Variants in CACNA1H observed in about 807,000 individuals in gnomAD.
The protein encoded by CACNA1H is voltage-dependent T-type calcium channel subunit alpha-1H.
A neutral mutation model predicts 192.5 loss-of-function variants in CACNA1H; 149 were observed. The ratio of observed to expected loss-of-function variants is 0.77; its 90% confidence interval spans 0.68 to 0.89. The LOEUF (loss-of-function observed/expected upper bound fraction) is 0.89, where lower values mean the gene tolerates loss of function less well. CACNA1H is among the 40% of genes least tolerant of loss of function. The probability of loss-of-function intolerance (pLI) is 0.00; values close to 1 mark genes in which losing one functional copy is unlikely to be tolerated. For missense variants in CACNA1H, 4,257 were observed against 3,423.5 expected, an observed-to-expected ratio of 1.24 and a Z score of -6.08; for synonymous variants, 2,202 against 1,475.2, an observed-to-expected ratio of 1.49 and a Z score of -11.29.
In CACNA1H at chr16:1,211,327, C is replaced by T. The variant is rs201510229; in HGVS notation, c.4350+33C>T. 82 of 1,611,936 alleles carry T rather than the reference C, an allele frequency of 5.1e-5. No homozygotes were observed. In the East Asian group the frequency reaches 1.8e-3, roughly 35 times the overall value. ...GCCCCCACGTGCCCGGGGGTCTGCC[C>T]CGTCGCAGACAGGGTCTGCCTTCCC... On this transcript the variant is annotated intron_variant, in intron 22 of 34. Coordinates refer to ENST00000348261, the MANE Select transcript of CACNA1H (RefSeq NM_021098.3).
chr16:1,218,167 CGGGTG>C, intron 32 of CACNA1H, 38 bp from the exon 33 acceptor site: 7 of 1,536,046 alleles, frequency 4.6e-6, no homozygotes, highest in Non-Finnish European at 6.2e-6. Context: ...GTGGCACCCG[CGGGTG>C]GGTGTGGACC....
In CACNA1H at chr16:1,204,417, C is replaced by T. The variant is rs1413662814; in HGVS notation, c.2410C>T (p.Leu804Phe). ...YFSRGIMMAI[L>F]VNTLSMGVEY... The stretch of plus-strand genomic sequence containing the variant: ...CAGCCGTGGCATCATGATGGCCATC[C>T]TTGTCAACACGCTGAGCATGGGCGT... Residue 804 changes from leucine to phenylalanine, a missense_variant, in exon 10 of 35, where the codon CTT (leucine) becomes TTT (phenylalanine). Transcript: ENST00000348261. 4.5e-6 allele frequency: 7 copies of T among 1,551,152 alleles called. No individual in the cohort carries two copies. The African/African-American group carries it at 6.8e-5, about 15-fold the overall frequency.
At position 1,208,233 on chromosome 16, in the gene CACNA1H, C is replaced by G. The variant is rs749123905; in HGVS notation, c.3363+12C>G. 258 of 1,542,250 alleles carry G rather than the reference C, an allele frequency of 1.7e-4. 1 individual carries two copies. The highest frequency in any genetic ancestry group is 2.1e-4 in the Non-Finnish European group (241 of 1,143,924). On this transcript the variant is annotated intron_variant, in intron 16 of 34. Coordinates refer to ENST00000348261, the MANE Select transcript of CACNA1H (RefSeq NM_021098.3). ...ACCAGAAGCCTCCGGTAGGGACCATCTCCTGCCCCAGCTCTCAGGCCCCTT... is the reference window on the plus strand; with the variant it reads ...ACCAGAAGCCTCCGGTAGGGACCATGTCCTGCCCCAGCTCTCAGGCCCCTT...
At chr16:1,208,331 A>T in intron 16 of CACNA1H, 110 bp downstream of exon 16, 2 of 754,752 alleles carry the variant, frequency 2.6e-6, no homozygotes, top group East Asian at 2.7e-5. Flanking sequence ...ACACCCTTGA[A>T]GTCCCAGCCT....
chr16:1,172,316 C>T (rs1331900462), intron 2 of CACNA1H, among the ~76,000 whole-genome samples: 1 of 152,170 alleles, frequency 6.6e-6, no homozygotes, highest in African/African-American at 2.4e-5. Context: ...TAGAAAGGAG[C>T]TCGGGGAGCC....
chr16:1,207,793 G>A lies in CACNA1H; in HGVS notation c.3087G>A (p.Thr1029=), dbSNP rs544225254. 94 of 1,601,968 alleles carry A rather than the reference G, an allele frequency of 5.9e-5. 1 individual carries two copies. The highest frequency in any genetic ancestry group is 4.4e-4 in the South Asian group (39 of 88,838). The change falls in exon 15 of 35, where the codon ACG becomes ACA. Residue 1029 remains threonine, a synonymous_variant. Transcript: ENST00000348261. ...QAEGDANRSD[T]DEDKTSVHFE... ...AGGGCGATGCCAACAGATCCGACAC[G>A]GACGAGGACAAGACGTCGGTCCACT...
At chr16:1,155,075 C>T (rs1005367391) in intron 2 of CACNA1H, among the ~76,000 whole-genome samples, 3 of 152,226 alleles carry the variant, frequency 2.0e-5, no homozygotes, top group African/African-American at 2.4e-5. Flanking sequence ...GTGTACACTT[C>T]CCTACCTTGT....
At chr16:1,213,527 C>T (rs1167665468) in intron 26 of CACNA1H, among the ~76,000 whole-genome samples, 2 of 152,064 alleles carry the variant, frequency 1.3e-5, no homozygotes, top group Non-Finnish European at 2.9e-5. Context: ...TGCTCCAGCC[C>T]AGGCCTCCTG....
intron 29 of CACNA1H, 60 bp downstream of exon 29, chr16:1,215,435 G>C: frequency 1.9e-6 from 3 of 1,584,142 alleles, no homozygotes; most frequent in Non-Finnish European, 2.6e-6. Flanking sequence ...GCTCAGCCAT[G>C]GGTGGGAGTG....
chr16:1,154,051 CGGCGGGG>C lies in CACNA1H; in HGVS notation c.299+34_299+40del, dbSNP rs147910127. 4.8e-4 allele frequency: 319 copies of C among 661,122 alleles called. No homozygotes were observed. The highest frequency in any genetic ancestry group is 1.9e-3 in the South Asian group (31 of 16,330). The allele number at this position is 661,122 out of a possible 1,614,324, so 41.0% of individuals were successfully genotyped here. A position where few individuals can be genotyped will look rare whatever the true frequency, so the allele number is the denominator to read the frequency against. Reference sequence around the variant, plus strand: ...GTCTGCAACCCATATCCTTCCCGGCCGGCGGGGGGCGGGGGGCGGGGGGCGTGGGGAG... The same window carrying C: ...GTCTGCAACCCATATCCTTCCCGGCCGGCGGGGGGCGGGGGGCGTGGGGAG... On this transcript the variant is annotated intron_variant, in intron 2 of 34. Coordinates refer to ENST00000348261, the MANE Select transcript of CACNA1H (RefSeq NM_021098.3).
chr16:1,176,625 G>C (rs1485246764), intron 2 of CACNA1H, among the ~76,000 whole-genome samples: 1 of 152,330 alleles, frequency 6.6e-6, no homozygotes. Flanking sequence ...TTCCGGGTTT[G>C]TCTGCACAGG....
chr16:1,189,241 G>T (rs1966364611), intron 2 of CACNA1H, among the ~76,000 whole-genome samples: 1 of 152,012 alleles, frequency 6.6e-6, no homozygotes, highest in Non-Finnish European at 1.5e-5. Flanking sequence ...TTTCTTCATG[G>T]GTGCCAGCTG....
intron 2 of CACNA1H, among the ~76,000 whole-genome samples, chr16:1,186,605 A>G (rs924412696): frequency 2.6e-5 from 4 of 151,996 alleles, no homozygotes; most frequent in Non-Finnish European, 5.9e-5. Flanking sequence ...GATGGCCTGC[A>G]CTGTGGCTTC....
intron 34 of CACNA1H, 52 bp from the exon 35 acceptor site, chr16:1,219,929 G>T: frequency 8.0e-7 from 1 of 1,250,514 alleles, no homozygotes; most frequent in South Asian, 3.6e-5. Context: ...CCTGGCCACT[G>T]ACAGGGCTCT....
chr16:1,172,232 C>T (rs1964438685), intron 2 of CACNA1H, among the ~76,000 whole-genome samples: 2 of 152,158 alleles, frequency 1.3e-5, no homozygotes, highest in Non-Finnish European at 1.5e-5. Context: ...TGCCTGACCC[C>T]GCCCCTGGAG....
chr16:1,171,477 A>AGGAGGCCCGCG (rs1964362462), intron 2 of CACNA1H, among the ~76,000 whole-genome samples: 1 of 152,142 alleles, frequency 6.6e-6, no homozygotes, highest in African/African-American at 2.4e-5. Flanking sequence ...TGGAGCCCGG[A>AGGAGGCCCGCG]GGAGGCCCGC....
chr16:1,170,118 G>T (rs1013910725), intron 2 of CACNA1H, among the ~76,000 whole-genome samples: 6 of 152,254 alleles, frequency 3.9e-5, no homozygotes, highest in African/African-American at 1.4e-4. Context: ...GCAGCTGGGG[G>T]GTGCAGGGTC....
chr16:1,154,068 CGGGGGGCGTGGGGA>C (rs1173398894), intron 2 of CACNA1H, 32 bp downstream of exon 2: 2 of 36,290 alleles, frequency 5.5e-5, no homozygotes, highest in Non-Finnish European at 8.0e-5. Flanking sequence ...GGGCGGGGGG[CGGGGGGCGTGGGGA>C]GGGTGGGGGC....
At chr16:1,219,273 C>A (rs1231641905) in intron 34 of CACNA1H, 143 bp downstream of exon 34, 3 of 797,408 alleles carry the variant, frequency 3.8e-6, no homozygotes, top group Non-Finnish European at 5.7e-6. Context: ...AAGGTTTCTG[C>A]CTGCTGCTTG....
Sources: gnomAD v4.1 joint callset for allele counts (sites outside exome capture counted in the v4.1 genomes callset) on GRCh38, gnomAD v4.1.1 for gene constraint, MANE v1.5 for transcripts, NCBI Gene and HGNC (gene_info 2026-07-23, HGNC 2026-07-21) for gene names.